The following SLC9A7 variants were observed in gnomAD, a reference collection of about 807,000 sequenced individuals.
SLC9A7 encodes the protein sodium/hydrogen exchanger 7.
A neutral mutation model predicts 52.6 loss-of-function variants in SLC9A7; 19 were observed. That is an observed-to-expected ratio of 0.36 (90% CI 0.25 to 0.53). The LOEUF (loss-of-function observed/expected upper bound fraction) is 0.53. SLC9A7 is among the 20% of genes least tolerant of loss of function. SLC9A7 has a pLI of 0.91. For missense variants in SLC9A7, 455 were observed against 597.9 expected, an observed-to-expected ratio of 0.76 and a Z score of 2.49; for synonymous variants, 226 against 252.1, an observed-to-expected ratio of 0.90 and a Z score of 0.98.
At chrX:46,694,904 A>G (rs957131227) in intron 1 of SLC9A7, among the ~76,000 whole-genome samples, 1 of 112,494 alleles carries the variant, frequency 8.9e-6, no homozygotes, top group Non-Finnish European at 1.9e-5. Context: ...AACGAACTTG[A>G]TACATGCTAC....
intron 3 of SLC9A7, among the ~76,000 whole-genome samples, chrX:46,675,061 ATGTGTGTGTG>A (rs397895552): frequency 0.051 from 3,507 of 68,770 alleles, 138 homozygotes; most frequent in East Asian, 0.12. Context: ...GAGAGAGTGA[ATGTGTGTGTG>A]TGTGTGTGTG....
intron 3 of SLC9A7, among the ~76,000 whole-genome samples, chrX:46,676,921 C>T (rs772721205): frequency 9.0e-6 from 1 of 111,552 alleles, no homozygotes; most frequent in Admixed American, 9.5e-5. Flanking sequence ...CTCAGTCCCG[C>T]GTTATCTACG....
chrX:46,740,113 G>GAC (rs1231345327), intron 1 of SLC9A7, among the ~76,000 whole-genome samples: 2 of 111,774 alleles, frequency 1.8e-5, no homozygotes, highest in African/African-American at 3.3e-5. Flanking sequence ...TAAACATACA[G>GAC]ACACACACAC....
chrX:46,710,318 C>T (rs1944667958), intron 1 of SLC9A7, among the ~76,000 whole-genome samples: 2 of 111,913 alleles, frequency 1.8e-5, no homozygotes, highest in Middle Eastern at 4.6e-3. Flanking sequence ...ACAAGAAGAA[C>T]CGCATTCAGA....
Position 46,720,917 on chromosome X carries a change from C to G in SLC9A7, c.325+37788G>C, listed in dbSNP as rs147160769. On this transcript the variant is annotated intron_variant, in intron 1 of 16. Transcript: ENST00000616978. Reference sequence around the variant, plus strand: ...ATCCTGAATTTCCAGAATAAAACCTCTCAAAAAAGTGATAAAGCATCACAT... The same window carrying G: ...ATCCTGAATTTCCAGAATAAAACCTGTCAAAAAAGTGATAAAGCATCACAT... Among the ~76,000 whole-genome samples, 9 of 111,576 alleles carry G rather than the reference C, an allele frequency of 8.1e-5. No individual in the cohort carries two copies. In the East Asian group the frequency reaches 2.5e-3, roughly 31 times the overall value.
At chrX:46,608,857 G>C (rs1942796584) in intron 16 of SLC9A7, among the ~76,000 whole-genome samples, 1 of 110,573 alleles carries the variant, frequency 9.0e-6, no homozygotes, top group African/African-American at 3.3e-5. Flanking sequence ...CGTTGGTCAG[G>C]CTAGTCTCAA....
At chrX:46,669,777 C>T (rs1943988674) in intron 4 of SLC9A7, 58 bp from the exon 5 acceptor site, 3 of 575,976 alleles carry the variant, frequency 5.2e-6, no homozygotes, top group Admixed American at 6.6e-5. Context: ...TTAGCAAACA[C>T]GCAAGCAGAA....
At chrX:46,736,256 T>C (rs1945120299) in intron 1 of SLC9A7, among the ~76,000 whole-genome samples, 2 of 112,458 alleles carry the variant, frequency 1.8e-5, no homozygotes, top group African/African-American at 6.5e-5. Context: ...TTTGTTACTG[T>C]ATTTTTTGTT....
intron 16 of SLC9A7, among the ~76,000 whole-genome samples, chrX:46,608,945 C>T (rs989587416): frequency 1.8e-4 from 20 of 111,417 alleles, no homozygotes; most frequent in African/African-American, 6.5e-4. Context: ...CACACCCAGC[C>T]GGTAGCTTAT....
At chrX:46,676,844 C>T (rs1483070462) in intron 3 of SLC9A7, among the ~76,000 whole-genome samples, 1 of 111,408 alleles carries the variant, frequency 9.0e-6, no homozygotes, top group African/African-American at 3.3e-5. Context: ...AACCTAAATC[C>T]AGAGGCAATA....
rs964194104 is a variant in SLC9A7, at chrX:46,668,599, T to C, written c.793+1008A>G. Among the ~76,000 whole-genome samples, 4 of 111,618 alleles carry C rather than the reference T, an allele frequency of 3.6e-5. No homozygotes were observed. In the East Asian group the frequency reaches 1.1e-3, roughly 31 times the overall value. ...GGTTAGGAAATTATGAGAAATGCTATAAAATGGATGAACTTTGAGGACATT... is the reference window on the plus strand; with the variant it reads ...GGTTAGGAAATTATGAGAAATGCTACAAAATGGATGAACTTTGAGGACATT... On this transcript the variant is annotated intron_variant, in intron 5 of 16. Coordinates refer to ENST00000616978, the MANE Select transcript of SLC9A7 (RefSeq NM_001257291.2).
At chrX:46,633,336 TAAAAAAAAAAAAAAAAAAAAAA>T (rs397836432) in intron 13 of SLC9A7, among the ~76,000 whole-genome samples, 72 of 8,119 alleles carry the variant, frequency 8.9e-3, no homozygotes, top group East Asian at 0.026. Context: ...TTGCTGCTGC[TAAAAAAAAAAAAAAAAAAAAAA>T]AAAAAAAAAA....
intron 1 of SLC9A7, among the ~76,000 whole-genome samples, chrX:46,734,242 CA>C (rs1945087090): frequency 9.0e-6 from 1 of 111,350 alleles, no homozygotes; most frequent in Non-Finnish European, 1.9e-5. Flanking sequence ...TTAAAACACA[CA>C]CACACACACA....
intron 8 of SLC9A7, 101 bp downstream of exon 8, chrX:46,653,508 A>T: frequency 1.9e-6 from 1 of 520,212 alleles, no homozygotes; most frequent in Non-Finnish European, 3.3e-6. Flanking sequence ...GAACAGTTAA[A>T]CTCTGTGCAG....
At chrX:46,732,062 G>GA (rs995071724) in intron 1 of SLC9A7, among the ~76,000 whole-genome samples, 26 of 102,490 alleles carry the variant, frequency 2.5e-4, no homozygotes, top group Admixed American at 1.6e-3. Context: ...TCTACTGAAA[G>GA]AAAAAAAAAA....
At chrX:46,618,375 T>C (rs1942987397) in intron 15 of SLC9A7, among the ~76,000 whole-genome samples, 1 of 111,840 alleles carries the variant, frequency 8.9e-6, no homozygotes, top group Non-Finnish European at 1.9e-5. Flanking sequence ...ACTGATCAGA[T>C]ATAAGCTTAA....
At chrX:46,651,863 GA>G (rs1206499583) in intron 8 of SLC9A7, among the ~76,000 whole-genome samples, 4 of 103,311 alleles carry the variant, frequency 3.9e-5, no homozygotes, top group South Asian at 8.5e-4. Flanking sequence ...AGAAAAAAAA[GA>G]AAAAAAAGTT....
intron 1 of SLC9A7, among the ~76,000 whole-genome samples, chrX:46,741,592 C>G (rs1921354616): frequency 9.0e-6 from 1 of 111,198 alleles, no homozygotes; most frequent in Non-Finnish European, 1.9e-5. Flanking sequence ...AACAATTGAA[C>G]ATCTATACAT....
At chrX:46,656,769 G>A (rs1463651261) in intron 7 of SLC9A7, among the ~76,000 whole-genome samples, 1 of 111,268 alleles carries the variant, frequency 9.0e-6, no homozygotes. Context: ...AAGTGACAGG[G>A]AGAATGGAAC....
Sources: gnomAD v4.1 joint callset for allele counts (sites outside exome capture counted in the v4.1 genomes callset) on GRCh38, gnomAD v4.1.1 for gene constraint, MANE v1.5 for transcripts, NCBI Gene and HGNC (gene_info 2026-07-23, HGNC 2026-07-21) for gene names.